GPC5: variants seen among roughly 807,000 people sequenced by gnomAD.
GPC5 encodes glypican-5.
A neutral mutation model predicts 53.9 loss-of-function variants in GPC5; 47 were observed. The observed-to-expected ratio is 0.87, with a 90% CI of 0.69 to 1.11. GPC5 has a LOEUF of 1.11. Ranked by LOEUF, GPC5 falls within the 50% of genes most tolerant of loss-of-function variation. The probability of loss-of-function intolerance (pLI) is 0.00; values close to 1 mark genes in which losing one functional copy is unlikely to be tolerated. For synonymous variants in GPC5, 286 were observed against 263.3 expected, an observed-to-expected ratio of 1.09 and a Z score of -0.84; for missense variants, 748 against 713.1, an observed-to-expected ratio of 1.05 and a Z score of -0.56.
chr13:91,530,378 A>G (rs528773280), intron 2 of GPC5, among the ~76,000 whole-genome samples: 64 of 152,342 alleles, frequency 4.2e-4, no homozygotes, highest in Non-Finnish European at 7.6e-4. Flanking sequence ...CACCATGACC[A>G]GCAGATGCTA....
At chr13:92,341,599 G>T (rs926477994) in intron 7 of GPC5, among the ~76,000 whole-genome samples, 5 of 151,952 alleles carry the variant, frequency 3.3e-5, no homozygotes, top group African/African-American at 1.2e-4. Flanking sequence ...TGCTGATGTA[G>T]TAAAATAAAG....
intron 3 of GPC5, among the ~76,000 whole-genome samples, chr13:91,717,639 C>T (rs984947160): frequency 6.6e-6 from 1 of 152,064 alleles, no homozygotes; most frequent in African/African-American, 2.4e-5. Context: ...TCACTGCAAC[C>T]TCCACCTCCG....
intron 5 of GPC5, among the ~76,000 whole-genome samples, chr13:91,871,488 C>T (rs1337532488): frequency 1.3e-5 from 2 of 151,658 alleles, no homozygotes; most frequent in African/African-American, 4.8e-5. Flanking sequence ...TTCACATGTA[C>T]CCCCAAAATC....
intron 7 of GPC5, among the ~76,000 whole-genome samples, chr13:92,234,309 C>T (rs28713642): frequency 2.6e-5 from 4 of 152,172 alleles, no homozygotes; most frequent in African/African-American, 7.2e-5. Flanking sequence ...TCCACATCCT[C>T]TCCAGCACCT....
intron 5 of GPC5, among the ~76,000 whole-genome samples, chr13:91,800,359 T>C (rs1274980380): frequency 1.3e-5 from 2 of 152,076 alleles, no homozygotes; most frequent in African/African-American, 4.8e-5. Flanking sequence ...TCATCTAGTT[T>C]TCCTATTGTG....
At chr13:92,772,965 A>C (rs1354145797) in intron 7 of GPC5, among the ~76,000 whole-genome samples, 1 of 152,200 alleles carries the variant, frequency 6.6e-6, no homozygotes. Context: ...ATATAATAAG[A>C]AAACTAGTAA....
intron 6 of GPC5, among the ~76,000 whole-genome samples, chr13:91,954,088 T>C (rs2040051391): frequency 6.6e-6 from 1 of 152,242 alleles, no homozygotes. Context: ...ATTTATTCTG[T>C]GATTTAAAAT....
At chr13:92,391,752 G>T (rs949904222) in intron 7 of GPC5, among the ~76,000 whole-genome samples, 26 of 151,710 alleles carry the variant, frequency 1.7e-4, no homozygotes, top group African/African-American at 6.3e-4. Flanking sequence ...TTTTCTTCTG[G>T]CTTCCTTATT....
chr13:91,681,358 T>A (rs1261831823), intron 2 of GPC5, among the ~76,000 whole-genome samples: 5 of 152,222 alleles, frequency 3.3e-5, no homozygotes, highest in Non-Finnish European at 1.5e-5. Flanking sequence ...AGACTCTGAA[T>A]GTTGACAAGA....
intron 7 of GPC5, among the ~76,000 whole-genome samples, chr13:92,222,519 G>A (rs912906739): frequency 9.9e-5 from 15 of 152,140 alleles, no homozygotes; most frequent in South Asian, 2.1e-4. Flanking sequence ...AAACTAAGAA[G>A]TGAAGCAAGT....
intron 7 of GPC5, chr13:92,509,589 G>A (rs148631758): frequency 2.0e-5 from 3 of 152,240 alleles, no homozygotes; most frequent in Non-Finnish European, 4.4e-5. Context: ...AGATGTGATC[G>A]AGATGAAAGA....
chr13:92,088,087 C>T (rs562690175), intron 6 of GPC5, among the ~76,000 whole-genome samples: 7 of 151,908 alleles, frequency 4.6e-5, no homozygotes, highest in Admixed American at 1.3e-4. Context: ...ACAATCTTGC[C>T]GTCCCTTTTC....
chr13:91,699,661 T>C (rs889230689), intron 3 of GPC5, among the ~76,000 whole-genome samples: 4 of 152,188 alleles, frequency 2.6e-5, no homozygotes, highest in African/African-American at 9.7e-5. Context: ...GCTCCTGGTG[T>C]GAAAGTCAGC....
At chr13:92,129,187 G>A (rs1189814955) in intron 6 of GPC5, among the ~76,000 whole-genome samples, 1 of 152,156 alleles carries the variant, frequency 6.6e-6, no homozygotes, top group East Asian at 1.9e-4. Flanking sequence ...TTAAATCTGA[G>A]ACTAATTTTG....
chr13:92,168,948 G>A (rs2042050335), intron 7 of GPC5, among the ~76,000 whole-genome samples: 1 of 152,130 alleles, frequency 6.6e-6, no homozygotes, highest in Non-Finnish European at 1.5e-5. Flanking sequence ...AACAGTTATA[G>A]ACCGGATAAA....
intron 6 of GPC5, among the ~76,000 whole-genome samples, chr13:92,042,627 G>A (rs2040950517): frequency 6.6e-6 from 1 of 152,218 alleles, no homozygotes; most frequent in African/African-American, 2.4e-5. Context: ...CACTGAGTGA[G>A]TGAGGGGTAA....
chr13:91,710,933 G>C (rs163931), intron 3 of GPC5, among the ~76,000 whole-genome samples: 5,997 of 152,192 alleles, frequency 0.039, 157 homozygotes, highest in Middle Eastern at 0.12. Flanking sequence ...AAATGTGGGT[G>C]GTTTCCACGC....
intron 7 of GPC5, among the ~76,000 whole-genome samples, chr13:92,733,242 C>A (rs1888853899): frequency 6.6e-6 from 1 of 151,606 alleles, no homozygotes; most frequent in Non-Finnish European, 1.5e-5. Context: ...TGTAGAGGAG[C>A]AATTGAAACT....
chr13:91,859,305 C>CT (rs1307477096), intron 5 of GPC5, among the ~76,000 whole-genome samples: 2 of 151,604 alleles, frequency 1.3e-5, no homozygotes, highest in Non-Finnish European at 2.9e-5. Context: ...GCTTCTTCTG[C>CT]TTTTTGCTGT....
Sources: gnomAD v4.1 joint callset for allele counts (sites outside exome capture counted in the v4.1 genomes callset) on GRCh38, gnomAD v4.1.1 for gene constraint, MANE v1.5 for transcripts, NCBI Gene and HGNC (gene_info 2026-07-23, HGNC 2026-07-21) for gene names.